The following FAM222A variants were observed in gnomAD, a reference collection of about 807,000 sequenced individuals.
FAM222A encodes the protein protein FAM222A.
FAM222A carries 7 observed loss-of-function variants against 25.8 expected under a neutral mutation model. The observed-to-expected ratio is 0.27, with a 90% CI of 0.15 to 0.51. The LOEUF (loss-of-function observed/expected upper bound fraction) is 0.51, where lower values mean the gene tolerates loss of function less well. FAM222A is among the 20% of genes least tolerant of loss of function. The pLI is 0.97. For synonymous variants in FAM222A, 294 were observed against 298.8 expected (o/e 0.98, Z 0.17); for missense variants, 573 against 640.5 (o/e 0.89, Z 1.14).
intron 1 of FAM222A, chr12:109,734,050 A>C (rs1242512103): frequency 1.3e-5 from 2 of 152,204 alleles, no homozygotes; most frequent in Non-Finnish European, 2.9e-5. Flanking sequence ...CCACATCTAC[A>C]AAAAATAATA....
intron 1 of FAM222A, among the ~76,000 whole-genome samples, chr12:109,743,533 G>T (rs1296174348): frequency 1.3e-5 from 2 of 152,214 alleles, no homozygotes; most frequent in Non-Finnish European, 2.9e-5. Flanking sequence ...ATGGATCAAG[G>T]TTCAAGAGCC....
intron 1 of FAM222A, among the ~76,000 whole-genome samples, chr12:109,719,155 A>G (rs1186556754): frequency 6.6e-6 from 1 of 152,240 alleles, no homozygotes; most frequent in East Asian, 1.9e-4. Flanking sequence ...ACAGTCAGGA[A>G]TCATGTAATC....
intron 1 of FAM222A, among the ~76,000 whole-genome samples, chr12:109,731,593 C>T (rs1001693079): frequency 3.9e-5 from 6 of 152,194 alleles, no homozygotes; most frequent in African/African-American, 1.4e-4. Context: ...CCCAGACCTC[C>T]TGCAGGAGAG....
At chr12:109,747,315 G>A (rs1446977027) in intron 2 of FAM222A, among the ~76,000 whole-genome samples, 1 of 152,116 alleles carries the variant, frequency 6.6e-6, no homozygotes, top group Non-Finnish European at 1.5e-5. Context: ...GGCTGGCCTT[G>A]AACTCCTGAC....
chr12:109,731,174 C>T (rs980341907), intron 1 of FAM222A, among the ~76,000 whole-genome samples: 1 of 152,050 alleles, frequency 6.6e-6, no homozygotes, highest in African/African-American at 2.4e-5. Context: ...AGACACTGTC[C>T]GTCAGGAGCC....
chr12:109,716,712 C>T (rs968569952), intron 1 of FAM222A, among the ~76,000 whole-genome samples: 3 of 152,128 alleles, frequency 2.0e-5, no homozygotes, highest in South Asian at 4.2e-4. Flanking sequence ...GGCCCTCTGC[C>T]GAGTATTTAC....
intron 2 of FAM222A, among the ~76,000 whole-genome samples, chr12:109,762,003 A>AC (rs1173781562): frequency 1.3e-5 from 2 of 150,560 alleles, no homozygotes; most frequent in Admixed American, 1.3e-4. Context: ...GCATTCACCA[A>AC]CCCCCCAAGA....
At chr12:109,742,020 G>C (rs1044726014) in intron 1 of FAM222A, 2 of 152,334 alleles carry the variant, frequency 1.3e-5, no homozygotes, top group South Asian at 4.1e-4. Flanking sequence ...CTATGTCAGA[G>C]CGGCTAGAGA....
At chr12:109,737,897 G>A (rs1888129561) in intron 1 of FAM222A, among the ~76,000 whole-genome samples, 1 of 152,180 alleles carries the variant, frequency 6.6e-6, no homozygotes, top group Admixed American at 6.5e-5. Flanking sequence ...ACAGAGATGG[G>A]GGAGGGAGCG....
chr12:109,733,445 A>T (rs1378385607), intron 1 of FAM222A, among the ~76,000 whole-genome samples: 1 of 151,014 alleles, frequency 6.6e-6, no homozygotes, highest in Non-Finnish European at 1.5e-5. Context: ...TCTGTCACCC[A>T]GGCTGGAGTG....
intron 1 of FAM222A, chr12:109,722,750 G>C (rs1887767653): frequency 6.6e-6 from 1 of 152,298 alleles, no homozygotes; most frequent in South Asian, 2.1e-4. Context: ...CGGGCAGTGT[G>C]GGCCCAGCGC....
In FAM222A at chr12:109,754,330, A is replaced by G. The variant is rs527951784; in HGVS notation, c.82+10102A>G. On this transcript the variant is annotated intron_variant, in intron 2 of 2. Coordinates refer to ENST00000538780, the MANE Select transcript of FAM222A (RefSeq NM_032829.3). ...AGTCCCAGCTACTCAGGAGGAGTCC[A>G]AGAGATCAGCCTGGCCAACATATTG... is the stretch of plus-strand genomic sequence containing the variant. Among the ~76,000 whole-genome samples the G allele has an allele frequency of 2.6e-5, 4 of 152,292 alleles. 1 individual carries two copies. Among genetic ancestry groups the G allele is most frequent in the African/African-American group, 7.2e-5 (3 of 41,564 alleles).
At chr12:109,743,313 G>A (rs1888295846) in intron 1 of FAM222A, among the ~76,000 whole-genome samples, 1 of 152,206 alleles carries the variant, frequency 6.6e-6, no homozygotes, top group African/African-American at 2.4e-5. Context: ...AGTGGGTTTG[G>A]GGAAGCTGAA....
At chr12:109,728,825 A>G (rs571350404) in intron 1 of FAM222A, among the ~76,000 whole-genome samples, 2 of 152,364 alleles carry the variant, frequency 1.3e-5, no homozygotes, top group East Asian at 1.9e-4. Flanking sequence ...TGACAGGGCT[A>G]CACATCCAAG....
At chr12:109,720,339 G>C (rs539195703) in intron 1 of FAM222A, among the ~76,000 whole-genome samples, 1 of 152,228 alleles carries the variant, frequency 6.6e-6, no homozygotes, top group Non-Finnish European at 1.5e-5. Context: ...GGGGAGGGGG[G>C]CCTCCCTTGG....
At chr12:109,750,164 T>C (rs1393641696) in intron 2 of FAM222A, among the ~76,000 whole-genome samples, 1 of 152,256 alleles carries the variant, frequency 6.6e-6, no homozygotes, top group Admixed American at 6.5e-5. Context: ...CTACTAATAA[T>C]AAGGAAGGTT....
intron 1 of FAM222A, among the ~76,000 whole-genome samples, chr12:109,715,649 G>A (rs1887629480): frequency 6.6e-6 from 1 of 152,214 alleles, no homozygotes; most frequent in Non-Finnish European, 1.5e-5. Context: ...AGGTGGGGGA[G>A]GGAGGCAGTG....
In FAM222A at chr12:109,723,834, C is replaced by T. The variant is rs370532453; in HGVS notation, c.-47+8937C>T. ...CTGTCAGTGTGGAGCTCCCCACTCCCGGTTCAGACAACTGACAAATCCAGC... is the reference window on the plus strand; with the variant it reads ...CTGTCAGTGTGGAGCTCCCCACTCCTGGTTCAGACAACTGACAAATCCAGC... On this transcript the variant is annotated intron_variant, in intron 1 of 2. Coordinates refer to ENST00000538780, the MANE Select transcript of FAM222A (RefSeq NM_032829.3). Among the ~76,000 whole-genome samples the T allele has an allele frequency of 4.2e-3, 647 of 152,358 alleles. 2 individuals are homozygous for T. Among genetic ancestry groups the T allele is most frequent in the Non-Finnish European group, 5.8e-3 (393 of 68,036 alleles).
intron 1 of FAM222A, among the ~76,000 whole-genome samples, chr12:109,723,713 G>A (rs542518826): frequency 2.9e-4 from 44 of 152,334 alleles, no homozygotes; most frequent in African/African-American, 7.9e-4. Context: ...CTGTGATGCC[G>A]CATCGCATCG....
Sources: allele counts gnomAD v4.1 joint callset (sites outside exome capture counted in the v4.1 genomes callset), GRCh38; gene constraint gnomAD v4.1.1; transcripts MANE v1.5; gene names NCBI Gene and HGNC (gene_info 2026-07-23, HGNC 2026-07-21).